LMBR1: variants seen among roughly 807,000 people sequenced by gnomAD.
The protein encoded by LMBR1 is limb development membrane protein 1.
LMBR1 carries 52 observed loss-of-function variants against 73.9 expected under a neutral mutation model. The observed-to-expected ratio is 0.70, with a 90% CI of 0.56 to 0.89. The LOEUF (loss-of-function observed/expected upper bound fraction) is 0.89, where lower values mean the gene tolerates loss of function less well. Ranked by LOEUF, LMBR1 falls within the 40% of genes least tolerant of loss-of-function variation. LMBR1 has a pLI of 0.00. For missense variants in LMBR1, 539 were observed against 579.8 expected, an observed-to-expected ratio of 0.93 and a Z score of 0.72; for synonymous variants, 215 against 209.4, an observed-to-expected ratio of 1.03 and a Z score of -0.23.
chr7:156,851,622 A>G (rs1208873452), intron 1 of LMBR1, among the ~76,000 whole-genome samples: 2 of 152,178 alleles, frequency 1.3e-5, no homozygotes, highest in African/African-American at 2.4e-5. Context: ...GAGGGTAGAA[A>G]TAAGTCATGA....
chr7:156,822,927 T>C (rs1272207778), intron 4 of LMBR1: 1 of 152,042 alleles, frequency 6.6e-6, no homozygotes, highest in African/African-American at 2.4e-5. Flanking sequence ...CTGGCCAACA[T>C]GGTGAAACCC....
intron 5 of LMBR1, among the ~76,000 whole-genome samples, chr7:156,784,571 A>C (rs750375638): frequency 6.6e-6 from 1 of 152,204 alleles, no homozygotes; most frequent in Non-Finnish European, 1.5e-5. Flanking sequence ...TAGCAGAGCC[A>C]CATGGTTTTA....
At chr7:156,676,737 A>G, downstream of LMBR1, 2 of 962,672 alleles carry the variant, frequency 2.1e-6, no homozygotes, top group Non-Finnish European at 3.3e-6. Flanking sequence ...TTCTGGGTTA[A>G]GTACTACAAT....
chr7:156,674,285 G>A (rs1440566316), downstream of LMBR1, among the ~76,000 whole-genome samples: 1 of 152,202 alleles, frequency 6.6e-6, no homozygotes, highest in Non-Finnish European at 1.5e-5. Context: ...ACACCCAGAA[G>A]AGACATGAGC....
chr7:156,892,878 G>C (rs201253725), intron 1 of LMBR1, 50 bp downstream of exon 1: 1 of 1,352,244 alleles, frequency 7.4e-7, no homozygotes, highest in African/African-American at 1.5e-5. Flanking sequence ...GGGGACGGAG[G>C]GCCCGGGCGG....
intron 9 of LMBR1, among the ~76,000 whole-genome samples, chr7:156,755,082 T>G (rs1219748767): frequency 6.6e-6 from 1 of 152,222 alleles, no homozygotes; most frequent in African/African-American, 2.4e-5. Flanking sequence ...TTAGCATTAG[T>G]TATCATAACA....
Position 156,779,291 on chromosome 7 carries a change from CTTCT to C in LMBR1, c.424-15500_424-15497del, listed in dbSNP as rs962996255. 6.6e-6 allele frequency among the ~76,000 whole-genome samples: 1 copy of C among 152,166 alleles called. No individual in the cohort carries two copies. The highest frequency in any genetic ancestry group is 2.4e-5 in the African/African-American group (1 of 41,430). ...TAAATTACTTTAGCGAAACTCCTTC[CTTCT>C]GATTAAAATTGCAGTATAATAAGCA... On this transcript the variant is annotated intron_variant, in intron 5 of 16. Coordinates refer to ENST00000353442, the MANE Select transcript of LMBR1 (RefSeq NM_022458.4).
intron 4 of LMBR1, among the ~76,000 whole-genome samples, chr7:156,820,068 A>C (rs1304892468): frequency 6.6e-6 from 1 of 152,106 alleles, no homozygotes; most frequent in African/African-American, 2.4e-5. Context: ...TTCCCACTAC[A>C]CCCCCATTCG....
In LMBR1 at chr7:156,687,057, T is replaced by C. The variant is rs141310702; in HGVS notation, c.1387+973A>G. ...ATATGGACAGCTCATCTGAAATCTT[T>C]TGTGCCTCCCAAAGGTCACCCTCTC... On this transcript the variant is annotated intron_variant, in intron 16 of 16. Transcript: ENST00000353442. 8.6e-4 allele frequency among the ~76,000 whole-genome samples: 131 copies of C among 152,332 alleles called. 1 individual carries two copies. The highest frequency in any genetic ancestry group is 3.0e-3 in the African/African-American group (124 of 41,580).
At chr7:156,708,341 C>A (rs1227259107) in intron 15 of LMBR1, among the ~76,000 whole-genome samples, 1 of 152,204 alleles carries the variant, frequency 6.6e-6, no homozygotes, top group Non-Finnish European at 1.5e-5. Flanking sequence ...TGGGGAAAAC[C>A]TTCCTCTGAA....
chr7:156,677,396 G>C (rs1393665987), downstream of LMBR1, among the ~76,000 whole-genome samples: 1 of 152,084 alleles, frequency 6.6e-6, no homozygotes, highest in East Asian at 1.9e-4. Flanking sequence ...GCAGGGCGAG[G>C]GTACACCATG....
intron 15 of LMBR1, among the ~76,000 whole-genome samples, chr7:156,711,635 G>T (rs940252021): frequency 2.0e-5 from 3 of 152,070 alleles, no homozygotes; most frequent in Non-Finnish European, 4.4e-5. Flanking sequence ...TAAGAGTATG[G>T]TACTAGTATA....
At chr7:156,699,901 A>G (rs1809253286) in intron 15 of LMBR1, among the ~76,000 whole-genome samples, 1 of 152,222 alleles carries the variant, frequency 6.6e-6, no homozygotes, top group Admixed American at 6.5e-5. Context: ...GTCAGGAAAC[A>G]ACAGGTGCTG....
At chr7:156,874,409 G>C (rs559428294) in intron 1 of LMBR1, among the ~76,000 whole-genome samples, 1 of 152,356 alleles carries the variant, frequency 6.6e-6, no homozygotes, top group Admixed American at 6.5e-5. Flanking sequence ...CGCAAGCGAG[G>C]GAGTGGGCTC....
chr7:156,773,169 T>G (rs1368608783), intron 5 of LMBR1, among the ~76,000 whole-genome samples: 12 of 151,958 alleles, frequency 7.9e-5, no homozygotes, highest in Non-Finnish European at 4.4e-5. Context: ...CTACAAGAAT[T>G]AAAAAACACT....
intron 15 of LMBR1, among the ~76,000 whole-genome samples, chr7:156,704,745 T>A: frequency 2.8e-5 from 4 of 142,676 alleles, no homozygotes; most frequent in African/African-American, 5.2e-5. Flanking sequence ...ACTAAGGAAA[T>A]AGTTGTCTTT....
chr7:156,771,942 A>G (rs375826732), intron 5 of LMBR1, among the ~76,000 whole-genome samples: 1 of 152,190 alleles, frequency 6.6e-6, no homozygotes, highest in African/African-American at 2.4e-5. Flanking sequence ...CACTCAAATC[A>G]ATAAATGTGA....
downstream of LMBR1, among the ~76,000 whole-genome samples, chr7:156,673,083 C>T (rs1742663930): frequency 1.3e-5 from 2 of 152,184 alleles, no homozygotes; most frequent in South Asian, 4.1e-4. Flanking sequence ...AGAATAAACA[C>T]CCAGATCATA....
rs1475800755 is a variant in LMBR1, at chr7:156,703,864, C to A, written c.1226-15673G>T. On this transcript the variant is annotated intron_variant, in intron 15 of 16. Transcript: ENST00000353442. ...CCACCTGAGACACCCAAGTACTTCT[C>A]CCATGGAAAAGAGGCTGGGCACAAA... Among the ~76,000 whole-genome samples, 4 of 152,166 alleles carry A rather than the reference C, an allele frequency of 2.6e-5. No homozygotes were observed. The East Asian group carries it at 5.8e-4, about 22-fold the overall frequency.
Sources: gnomAD v4.1 joint callset for allele counts (sites outside exome capture counted in the v4.1 genomes callset) on GRCh38, gnomAD v4.1.1 for gene constraint, MANE v1.5 for transcripts, NCBI Gene and HGNC (gene_info 2026-07-23, HGNC 2026-07-21) for gene names.